The following ANKRD11 variants were observed in gnomAD, a reference collection of about 807,000 sequenced individuals.
The protein encoded by ANKRD11 is ankyrin repeat domain 11.
A neutral mutation model predicts 195.7 loss-of-function variants in ANKRD11; 17 were observed. The observed-to-expected ratio is 0.09, with a 90% CI of 0.06 to 0.13. The LOEUF (loss-of-function observed/expected upper bound fraction) is 0.13, where lower values mean the gene tolerates loss of function less well. ANKRD11 is among the 10% of genes least tolerant of loss of function. The probability of loss-of-function intolerance (pLI) is 1.00; values close to 1 mark genes in which losing one functional copy is unlikely to be tolerated. For synonymous variants in ANKRD11, 1,953 were observed against 1,528.1 expected (o/e 1.28, Z -6.49); for missense variants, 3,735 against 3,566.1 (o/e 1.05, Z -1.21).
chr16:89,279,633 G>A lies in ANKRD11; in HGVS notation c.6909C>T (p.Ala2303=), dbSNP rs1321007790. 2.8e-6 allele frequency: 4 copies of A among 1,438,076 alleles called. No homozygotes were observed. The highest frequency in any genetic ancestry group is 2.5e-5 in the East Asian group (1 of 40,098). The allele number at this position is 1,438,076 out of a possible 1,614,324, so 89.1% of individuals were successfully genotyped here. Residue 2303 remains alanine (A), a synonymous_variant, in exon 9 of 13, where the codon GCC becomes GCT. Coordinates refer to ENST00000301030, the MANE Select transcript of ANKRD11 (RefSeq NM_013275.6). This position sits in a 1 kb window ranked among gnomAD's most constrained non-coding sequence, Gnocchi z 5.6. ...DTEASRAAAP[A]EGPPGGIQPE... is the part of the protein sequence containing the mutation. ...GCTGGATGCCGCCAGGAGGGCCTTC[G>A]GCTGGGGCGGCGGCACGGGAGGCCT...
At position 89,280,304 on chromosome 16, in the gene ANKRD11, C is replaced by T; in HGVS notation, c.6238G>A (p.Ala2080Thr). The change falls in exon 9 of 13, where the codon GCC becomes ACC. Residue 2080 changes from alanine to threonine, a missense_variant. Transcript: ENST00000301030. ...KSLPEAPLDV[A>T]PEPACVAAVA... is the part of the protein sequence containing the mutation. Reference sequence around the variant, plus strand: ...GCGGCTACACAGGCGGGCTCGGGGGCCACGTCCAGCGGGGCTTCCGGAAGT... The same window carrying T: ...GCGGCTACACAGGCGGGCTCGGGGGTCACGTCCAGCGGGGCTTCCGGAAGT... 1 of 1,595,450 alleles carries T rather than the reference C, an allele frequency of 6.3e-7. No homozygotes were observed. The highest frequency in any genetic ancestry group is 2.2e-5 in the East Asian group (1 of 44,570).
chr16:89,389,131 A>C (rs1465384853), intron 2 of ANKRD11, among the ~76,000 whole-genome samples: 1 of 151,680 alleles, frequency 6.6e-6, no homozygotes, highest in Admixed American at 6.6e-5. Context: ...CAATCCTCCC[A>C]CCTCAGCCTT....
chr16:89,458,361 A>T (rs1165444851), intron 1 of ANKRD11, among the ~76,000 whole-genome samples: 4 of 151,890 alleles, frequency 2.6e-5, no homozygotes, highest in Non-Finnish European at 5.9e-5. Flanking sequence ...AGTAGCTGGG[A>T]CTACAGGCGC....
chr16:89,472,809 G>A lies in ANKRD11; in HGVS notation c.-145+17436C>T, dbSNP rs182432682. Among the ~76,000 whole-genome samples, 553 of 152,318 alleles carry A rather than the reference G, an allele frequency of 3.6e-3. 7 individuals are homozygous for A. Among genetic ancestry groups the A allele is most frequent in the African/African-American group, 0.013 (537 of 41,574 alleles). ...AACAATAAATTATTACCACAGAGGG[G>A]AGCAGAGAGCACCGCAAGACCAAAG... On this transcript the variant is annotated intron_variant, in intron 1 of 12. Coordinates refer to ENST00000301030, the MANE Select transcript of ANKRD11 (RefSeq NM_013275.6).
intron 4 of ANKRD11, chr16:89,300,556 T>C (rs2035786850): frequency 3.3e-6 from 1 of 299,040 alleles, no homozygotes; most frequent in Non-Finnish European, 6.2e-6. Context: ...TTCACACACT[T>C]GTCGCCTCTA....
chr16:89,439,230 C>G (rs2043344405), intron 1 of ANKRD11, among the ~76,000 whole-genome samples: 2 of 152,098 alleles, frequency 1.3e-5, no homozygotes, highest in Admixed American at 1.3e-4. Flanking sequence ...AAACTGAAAA[C>G]TTTTTTGGAA....
intron 3 of ANKRD11, among the ~76,000 whole-genome samples, chr16:89,308,086 CAT>C (rs2151887648): frequency 6.6e-6 from 1 of 151,904 alleles, no homozygotes; most frequent in African/African-American, 2.4e-5. Context: ...TTCTACCAAA[CAT>C]GTGAAGAGGC....
intron 2 of ANKRD11, among the ~76,000 whole-genome samples, chr16:89,355,293 G>C (rs935031538): frequency 6.6e-6 from 1 of 152,110 alleles, no homozygotes; most frequent in Non-Finnish European, 1.5e-5. Context: ...CCTGAGGCTC[G>C]GAAGGCGGGC....
Position 89,280,684 on chromosome 16 carries a change from G to A in ANKRD11, c.5858C>T (p.Pro1953Leu), listed in dbSNP as rs138255986. The A allele has an allele frequency of 6.2e-7, 1 of 1,613,388 alleles. No individual in the cohort carries two copies. The highest frequency in any genetic ancestry group is 8.5e-7 in the Non-Finnish European group (1 of 1,179,922). Residue 1953 changes from proline (P) to leucine (L), a missense_variant, in exon 9 of 13, where the codon CCC becomes CTC. Transcript: ENST00000301030. Reference protein sequence around the residue: ...ITEEPVEWAHPSEQALASSLI... With the variant: ...ITEEPVEWAHLSEQALASSLI... ...GCTAGAGGCAAGCGCCTGCTCGGAG[G>A]GGTGGGCCCACTCAACGGGCTCCTC... is the stretch of plus-strand genomic sequence containing the variant.
In ANKRD11 at chr16:89,295,031, T is replaced by A. The variant is rs546970918; in HGVS notation, c.227-3848A>T. ...AAATGGAAGCCAAATACAATTTCTATGAATTCCAAATGGTATTCACCAAGT... is the reference window on the plus strand; with the variant it reads ...AAATGGAAGCCAAATACAATTTCTAAGAATTCCAAATGGTATTCACCAAGT... On this transcript the variant is annotated intron_variant, in intron 4 of 12. Coordinates refer to ENST00000301030, the MANE Select transcript of ANKRD11 (RefSeq NM_013275.6). Among the ~76,000 whole-genome samples the A allele has an allele frequency of 7.2e-5, 11 of 152,384 alleles. No individual in the cohort carries two copies. In the South Asian group the frequency reaches 2.3e-3, roughly 32 times the overall value.
intron 9 of ANKRD11, among the ~76,000 whole-genome samples, chr16:89,277,004 C>T (rs1009076207): frequency 3.3e-5 from 5 of 150,410 alleles, no homozygotes; most frequent in Admixed American, 2.0e-4. Flanking sequence ...TGCAGTGAGC[C>T]GACATCACGC....
In ANKRD11 at chr16:89,280,645, G is replaced by A; in HGVS notation, c.5897C>T (p.Thr1966Ile). The A allele has an allele frequency of 6.2e-7, 1 of 1,613,504 alleles. No individual in the cohort carries two copies. Among genetic ancestry groups the A allele is most frequent in the Admixed American group, 1.7e-5 (1 of 60,030 alleles). Residue 1966 changes from threonine (T) to isoleucine (I), a missense_variant, in exon 9 of 13, where the codon ACC (threonine) becomes ATC (isoleucine). Transcript: ENST00000301030. ...AGGCCAGCTCACAGGGTTTTCAGAG[G>A]TGCCCCCGATCAGGCTAGAGGCAAG... ...QALASSLIGG[T>I]SENPVSWPVG...
chr16:89,300,368 G>C (rs2035772820), intron 4 of ANKRD11: 1 of 199,554 alleles, frequency 5.0e-6, no homozygotes, highest in South Asian at 7.0e-5. Flanking sequence ...CTGAGCTGAG[G>C]CCACTGGTCC....
chr16:89,305,052 G>A (rs1318940591), intron 4 of ANKRD11, 154 bp downstream of exon 4: 8 of 1,206,652 alleles, frequency 6.6e-6, no homozygotes, highest in East Asian at 4.8e-5. Context: ...GGGGGCCTGT[G>A]CTCCGCCCCT....
chr16:89,488,270 T>C (rs1017989454), intron 1 of ANKRD11, among the ~76,000 whole-genome samples: 1 of 152,108 alleles, frequency 6.6e-6, no homozygotes, highest in East Asian at 1.9e-4. Context: ...TTGGTCTTTG[T>C]TCCCTCCCAT....
chr16:89,476,534 G>A (rs540722536), intron 1 of ANKRD11, among the ~76,000 whole-genome samples: 2 of 152,312 alleles, frequency 1.3e-5, no homozygotes, highest in East Asian at 1.9e-4. Context: ...CAACGCCTAC[G>A]CTTGCTTCTA....
intron 3 of ANKRD11, among the ~76,000 whole-genome samples, chr16:89,306,979 G>A (rs894928238): frequency 6.6e-6 from 1 of 151,626 alleles, no homozygotes; most frequent in African/African-American, 2.4e-5. Flanking sequence ...TGGGGAGGGG[G>A]ACGGTGCGAC....
At chr16:89,345,496 C>G (rs1448207505) in intron 2 of ANKRD11, among the ~76,000 whole-genome samples, 2 of 152,196 alleles carry the variant, frequency 1.3e-5, no homozygotes, top group Admixed American at 1.3e-4. Flanking sequence ...AGGCAGAGAC[C>G]AGGCCCTCCA....
Position 89,418,340 on chromosome 16 carries a change from G to A in ANKRD11, c.-116C>T, listed in dbSNP as rs1418822270. On this transcript the variant is annotated 5_prime_UTR_variant, in exon 2 of 13. Transcript: ENST00000301030. ...GGACTGTCTTTTAAATCCAATGGAGGTGTGTCCCAGAGCAGGGCTGTATAT... is the reference window on the plus strand; with the variant it reads ...GGACTGTCTTTTAAATCCAATGGAGATGTGTCCCAGAGCAGGGCTGTATAT... 2 of 453,914 alleles carry A rather than the reference G, an allele frequency of 4.4e-6. No individual in the cohort carries two copies. Among genetic ancestry groups the A allele is most frequent in the Admixed American group, 2.3e-5 (1 of 42,572 alleles). 28.1% of individuals were successfully genotyped at this position (453,914 alleles called of 1,614,324 possible). A position where few individuals can be genotyped will look rare whatever the true frequency, so the allele number is the denominator to read the frequency against.
Sources: allele counts gnomAD v4.1 joint callset (sites outside exome capture counted in the v4.1 genomes callset), GRCh38; gene constraint gnomAD v4.1.1; non-coding constraint Gnocchi (gnomAD v3.1); transcripts MANE v1.5; gene names NCBI Gene and HGNC (gene_info 2026-07-23, HGNC 2026-07-21).